Variants in NRG1 observed in about 807,000 individuals in gnomAD.
The protein encoded by NRG1 is pro-neuregulin-1, membrane-bound isoform.
NRG1 carries 18 observed loss-of-function variants against 63.8 expected under a neutral mutation model. That is an observed-to-expected ratio of 0.28 (90% CI 0.19 to 0.42). The LOEUF is 0.42. NRG1 is among the 10% of genes least tolerant of loss of function. The pLI is 1.00. For missense variants in NRG1, 762 were observed against 814.7 expected, an observed-to-expected ratio of 0.94 and a Z score of 0.79; for synonymous variants, 302 against 301.3, an observed-to-expected ratio of 1.00 and a Z score of -0.02.
intron 1 of NRG1, among the ~76,000 whole-genome samples, chr8:31,952,822 T>A (rs552291413): frequency 6.6e-6 from 1 of 152,278 alleles, no homozygotes; most frequent in African/African-American, 2.4e-5. Context: ...TCAGTAACGA[T>A]GTTCTAATGA....
chr8:32,712,536 TA>T (rs1025190076), intron 5 of NRG1, among the ~76,000 whole-genome samples: 1 of 152,152 alleles, frequency 6.6e-6, no homozygotes, highest in African/African-American at 2.4e-5. Flanking sequence ...TCTGGAGAAT[TA>T]GAAGTGCTAC....
intron 1 of NRG1, among the ~76,000 whole-genome samples, chr8:32,237,081 A>G (rs1449062423): frequency 6.6e-6 from 1 of 152,198 alleles, no homozygotes; most frequent in African/African-American, 2.4e-5. Context: ...ACTGTTTTCT[A>G]AAATCTTTCT....
chr8:32,538,489 T>C (rs1358456606), intron 1 of NRG1, among the ~76,000 whole-genome samples: 1 of 152,104 alleles, frequency 6.6e-6, no homozygotes. Context: ...ACAGAGTAGG[T>C]GAATGTGAAT....
intron 1 of NRG1, among the ~76,000 whole-genome samples, chr8:31,876,689 TA>T (rs1297611757): frequency 6.6e-6 from 1 of 152,156 alleles, no homozygotes; most frequent in Non-Finnish European, 1.5e-5. Context: ...GAATTAATGA[TA>T]AAAATAAATG....
chr8:31,979,331 C>T (rs11991820), intron 1 of NRG1, among the ~76,000 whole-genome samples: 5,583 of 152,114 alleles, frequency 0.037, 358 homozygotes, highest in African/African-American at 0.13. Flanking sequence ...TTCTCTGAAC[C>T]ATCCTCTCTA....
At chr8:31,925,276 G>A (rs1214945197) in intron 1 of NRG1, among the ~76,000 whole-genome samples, 1 of 148,082 alleles carries the variant, frequency 6.8e-6, no homozygotes, top group Non-Finnish European at 1.5e-5. Context: ...GTGTTATTAG[G>A]TCTATAAACA....
chr8:32,353,136 T>G (rs1805859583), intron 1 of NRG1, among the ~76,000 whole-genome samples: 1 of 150,444 alleles, frequency 6.6e-6, no homozygotes, highest in Non-Finnish European at 1.5e-5. Context: ...AATAAGAAAT[T>G]GCACTGGTAT....
rs377644160 is a variant in NRG1 at position 32,038,738 on chromosome 8, C to T, written c.37+399307C>T. On this transcript the variant is annotated intron_variant, in intron 1 of 10. Transcript: ENST00000519301. Reference sequence around the variant, plus strand: ...GTATTGCTGTTACTAAGACTGGGGGCTGTGAGAGGGCTTGGTGTTCCCCCA... The same window carrying T: ...GTATTGCTGTTACTAAGACTGGGGGTTGTGAGAGGGCTTGGTGTTCCCCCA... Among the ~76,000 whole-genome samples, 5 of 151,958 alleles carry T rather than the reference C, an allele frequency of 3.3e-5. No homozygotes were observed. The South Asian group carries it at 8.3e-4, about 25-fold the overall frequency.
At chr8:31,880,378 C>A (rs776386) in intron 1 of NRG1, among the ~76,000 whole-genome samples, 76,531 of 151,898 alleles carry the variant, frequency 0.5, 19,886 homozygotes, top group East Asian at 0.75. Context: ...TGGGTTTTGG[C>A]AGCATACGAC....
intron 1 of NRG1, among the ~76,000 whole-genome samples, chr8:32,101,104 C>T (rs1471463177): frequency 6.6e-6 from 1 of 152,140 alleles, no homozygotes; most frequent in Admixed American, 6.6e-5. Flanking sequence ...GAATATGTAA[C>T]TACATGTAAC....
chr8:31,867,940 G>C (rs1829108979), intron 1 of NRG1, among the ~76,000 whole-genome samples: 1 of 151,980 alleles, frequency 6.6e-6, no homozygotes, highest in Non-Finnish European at 1.5e-5. Context: ...AACTGTATTG[G>C]ACCAACTGCT....
rs148301168 is a variant in NRG1, at chr8:32,444,309, T to TTTTG, written c.38-151503_38-151500dup. Among the ~76,000 whole-genome samples the TTTTG allele has an allele frequency of 2.0e-5, 3 of 151,788 alleles. No homozygotes were observed. The South Asian group carries it at 6.2e-4, about 32-fold the overall frequency. On this transcript the variant is annotated intron_variant, in intron 1 of 10. Coordinates refer to the NRG1 transcript ENST00000519301. Reference sequence around the variant, plus strand: ...AATTGTAGTTTTTTGTTTGGGGTGGTTTTGTTTGTTTGTTTGTTTTTGTAG... The same window carrying TTTTG: ...AATTGTAGTTTTTTGTTTGGGGTGGTTTTGTTTGTTTGTTTGTTTGTTTTTGTAG...
chr8:32,726,610 C>T (rs1258194032), intron 5 of NRG1, among the ~76,000 whole-genome samples: 1 of 151,912 alleles, frequency 6.6e-6, no homozygotes, highest in Non-Finnish European at 1.5e-5. Context: ...ATGAGTAATT[C>T]AGAAATGGAA....
intron 1 of NRG1, among the ~76,000 whole-genome samples, chr8:32,401,184 T>C (rs111844129): frequency 0.011 from 1,680 of 152,138 alleles, 32 homozygotes; most frequent in African/African-American, 0.038. Flanking sequence ...AAAATATACC[T>C]ATAGGGTACT....
chr8:32,288,531 AGAAGATTTTTATGGCATGCTCGAGT>A (rs1853815924), intron 1 of NRG1, among the ~76,000 whole-genome samples: 1 of 152,208 alleles, frequency 6.6e-6, no homozygotes. Flanking sequence ...ATAATCAATA[AGAAGATTTTTATGGCATGCTCGAGT>A]GTAGTCTGAT....
chr8:31,826,917 A>G (rs1264341922), intron 1 of NRG1, among the ~76,000 whole-genome samples: 1 of 152,170 alleles, frequency 6.6e-6, no homozygotes, highest in Non-Finnish European at 1.5e-5. Flanking sequence ...TATGATGCTA[A>G]ATCCAATTCT....
At chr8:31,856,821 T>C (rs1418525180) in intron 1 of NRG1, among the ~76,000 whole-genome samples, 1 of 152,202 alleles carries the variant, frequency 6.6e-6, no homozygotes, top group Admixed American at 6.5e-5. Context: ...TTGTTAGTTT[T>C]CCTTCTAACA....
At chr8:31,696,868 T>TATGC (rs1419369944) in intron 1 of NRG1, among the ~76,000 whole-genome samples, 2 of 152,162 alleles carry the variant, frequency 1.3e-5, no homozygotes, top group Non-Finnish European at 2.9e-5. Flanking sequence ...TGTGTGTGTG[T>TATGC]ATGCATGGGA....
intron 1 of NRG1, among the ~76,000 whole-genome samples, chr8:32,375,214 G>A (rs1176345566): frequency 6.6e-6 from 1 of 151,896 alleles, no homozygotes; most frequent in Non-Finnish European, 1.5e-5. Context: ...CTGAGATCAA[G>A]CAATCCCCCC....
Sources: allele counts gnomAD v4.1 joint callset (sites outside exome capture counted in the v4.1 genomes callset), GRCh38; gene constraint gnomAD v4.1.1; transcripts MANE v1.5; gene names NCBI Gene and HGNC (gene_info 2026-07-23, HGNC 2026-07-21).